PLEKHM2: variants seen among roughly 807,000 people sequenced by gnomAD.
PLEKHM2 encodes the protein pleckstrin homology domain-containing family M member 2.
A neutral mutation model predicts 116.3 loss-of-function variants in PLEKHM2; 77 were observed. That is an observed-to-expected ratio of 0.66 (90% CI 0.55 to 0.80). The LOEUF (loss-of-function observed/expected upper bound fraction) is 0.80. Among genes scored for constraint, PLEKHM2 ranks in the 30% least tolerant of loss-of-function variants. The pLI is 0.00. For missense variants in PLEKHM2, 1,183 were observed against 1,354.9 expected, an observed-to-expected ratio of 0.87 and a Z score of 1.99; for synonymous variants, 562 against 571.0, an observed-to-expected ratio of 0.98 and a Z score of 0.22.
chr1:15,713,797 G>A lies in PLEKHM2; in HGVS notation c.61-2440G>A, dbSNP rs539978037. Among the ~76,000 whole-genome samples the A allele has an allele frequency of 4.0e-5, 6 of 151,696 alleles. No homozygotes were observed. In the South Asian group the frequency reaches 6.2e-4, roughly 16 times the overall value. ...ACTACAGGCGCCTGCCACTACGCCC[G>A]GCTAATTTTTTGCATTTTGCTTAGT... is the stretch of plus-strand genomic sequence containing the variant. On this transcript the variant is annotated intron_variant, in intron 1 of 19. Transcript: ENST00000375799.
intron 1 of PLEKHM2, among the ~76,000 whole-genome samples, chr1:15,704,432 G>A (rs1490963227): frequency 2.6e-5 from 4 of 151,724 alleles, no homozygotes; most frequent in South Asian, 4.2e-4. Context: ...TATCATCACC[G>A]GACAGTCTAT....
At chr1:15,696,165 AG>A (rs979526450) in intron 1 of PLEKHM2, among the ~76,000 whole-genome samples, 13 of 151,942 alleles carry the variant, frequency 8.6e-5, no homozygotes, top group Admixed American at 5.9e-4. Flanking sequence ...AAACTGCCAG[AG>A]GTTATTAAGC....
At chr1:15,706,036 G>A (rs28558247) in intron 1 of PLEKHM2, among the ~76,000 whole-genome samples, 3,137 of 152,188 alleles carry the variant, frequency 0.021, 123 homozygotes, top group African/African-American at 0.07. Context: ...AGCCAAGATC[G>A]CGCCATTGCA....
At chr1:15,695,716 T>G (rs963229708) in intron 1 of PLEKHM2, among the ~76,000 whole-genome samples, 1 of 152,052 alleles carries the variant, frequency 6.6e-6, no homozygotes, top group Non-Finnish European at 1.5e-5. Flanking sequence ...TTCACCATGT[T>G]GGCCAGGCTG....
At chr1:15,716,875 T>C in intron 3 of PLEKHM2, 59 bp downstream of exon 3, 2 of 1,543,310 alleles carry the variant, frequency 1.3e-6, no homozygotes, top group Non-Finnish European at 1.7e-6. Flanking sequence ...GTGGGTAGCT[T>C]GGGGCTCTGT....
rs760770081 is a variant in PLEKHM2, at chr1:15,730,516, C to T, written c.2209-16C>T. ...GGCCTTACTTGCTTTGTCCCCCGTG[C>T]CCGCCCCCGCATCAGGCATCTGCTG... On this transcript the variant is annotated splice_polypyrimidine_tract_variant and intron_variant, in intron 14 of 19. Transcript: ENST00000375799. The T allele has an allele frequency of 2.0e-5, 30 of 1,534,390 alleles. No homozygotes were observed. Among genetic ancestry groups the T allele is most frequent in the Non-Finnish European group, 2.5e-5 (29 of 1,138,660 alleles).
Position 15,732,706 on chromosome 1 carries a change from C to G in PLEKHM2, c.2900C>G (p.Ser967Cys). The change falls in exon 19 of 20, where the codon TCT (serine) becomes TGT (cysteine). Residue 967 changes from serine (S) to cysteine (C), a missense_variant. Physicochemically the swap from Ser to Cys is moderately radical, Grantham distance 112. Around this residue, in one of 3 missense-constraint regions of PLEKHM2, gnomAD observed 594 missense variants for 720.1 expected, o/e 0.82. Coordinates refer to ENST00000375799, the MANE Select transcript of PLEKHM2 (RefSeq NM_015164.4). ...GACCGATTGCTGTCTGCACTGAACT[C>G]TGGGTGGAAAACCATCTATCAGGTA... ...ELDRLLSALN[S>C]GWKTIYQVDL... 1 of 1,609,150 alleles carries G rather than the reference C, an allele frequency of 6.2e-7. No individual in the cohort carries two copies. The highest frequency in any genetic ancestry group is 2.2e-5 in the East Asian group (1 of 44,802).
In PLEKHM2 at chr1:15,716,309, C is replaced by T. The variant is rs756324460; in HGVS notation, c.133C>T (p.Leu45=). 5.0e-6 allele frequency: 8 copies of T among 1,606,298 alleles called. No homozygotes were observed. Among genetic ancestry groups the T allele is most frequent in the Non-Finnish European group, 6.8e-6 (8 of 1,176,330 alleles). ...IRNHDKVLQR[L]CEHLDHALLY... ...GAACCATGACAAGGTCCTACAGCGT[C>T]TGTGTGAGCACCTGGACCACGCCCT... Residue 45 remains leucine (L), a synonymous_variant, in exon 2 of 20, where the codon CTG becomes TTG. Transcript: ENST00000375799.
rs199966582 is a variant in PLEKHM2 at position 15,702,891 on chromosome 1, TAA to T, written c.61-13334_61-13333del. 4.8e-5 allele frequency among the ~76,000 whole-genome samples: 7 copies of T among 144,430 alleles called. No individual in the cohort carries two copies. The East Asian group carries it at 6.0e-4, about 12-fold the overall frequency. The allele number at this position is 144,430 out of a possible 152,430, so 94.8% of individuals were successfully genotyped here. A position where few individuals can be genotyped will look rare whatever the true frequency, so the allele number is the denominator to read the frequency against. The stretch of plus-strand genomic sequence containing the variant: ...ATGCACCACCACGCCCAGCTAACTT[TAA>T]AAAAAAAAAAAGTTGCTAGAAACAG... On this transcript the variant is annotated intron_variant, in intron 1 of 19. Transcript: ENST00000375799.
intron 1 of PLEKHM2, among the ~76,000 whole-genome samples, chr1:15,710,031 T>C (rs1426829740): frequency 6.6e-6 from 1 of 151,952 alleles, no homozygotes; most frequent in Non-Finnish European, 1.5e-5. Flanking sequence ...GAGACCATCC[T>C]GGCTAACGTG....
intron 19 of PLEKHM2, 87 bp from the exon 20 acceptor site, chr1:15,733,710 G>A: frequency 2.7e-6 from 4 of 1,456,478 alleles, no homozygotes; most frequent in Non-Finnish European, 3.7e-6. Flanking sequence ...CCGTGGCCAA[G>A]GCAGAGGCAG....
intron 3 of PLEKHM2, among the ~76,000 whole-genome samples, chr1:15,717,395 C>G (rs967318423): frequency 6.6e-6 from 1 of 152,182 alleles, no homozygotes; most frequent in Non-Finnish European, 1.5e-5. Flanking sequence ...GCCTGGGTGA[C>G]AGAGTCTCTG....
chr1:15,719,279 G>A lies in PLEKHM2; in HGVS notation c.466-455G>A, dbSNP rs144465444. Among the ~76,000 whole-genome samples, 150 of 152,186 alleles carry A rather than the reference G, an allele frequency of 9.9e-4. 2 individuals are homozygous for A. In the East Asian group the frequency reaches 0.023, roughly 23 times the overall value. ...AGCCTGGCCAACATGGCGAAACCTC[G>A]TCTCTACTAAAAAAATACAAAAGTT... is the stretch of plus-strand genomic sequence containing the variant. On this transcript the variant is annotated intron_variant, in intron 5 of 19. Transcript: ENST00000375799. This position sits in a 1 kb window ranked among gnomAD's most constrained non-coding sequence, Gnocchi z 4.1.
At chr1:15,714,604 A>C (rs1557652158) in intron 1 of PLEKHM2, among the ~76,000 whole-genome samples, 1 of 152,182 alleles carries the variant, frequency 6.6e-6, no homozygotes, top group Non-Finnish European at 1.5e-5. Context: ...GCTGCAGAGA[A>C]GAGAGGCTAT....
intron 1 of PLEKHM2, among the ~76,000 whole-genome samples, chr1:15,703,267 A>T (rs1418828065): frequency 6.6e-6 from 1 of 152,110 alleles, no homozygotes; most frequent in Non-Finnish European, 1.5e-5. Context: ...CTGAGCAGGG[A>T]TGGGGCAGGC....
intron 3 of PLEKHM2, among the ~76,000 whole-genome samples, chr1:15,717,414 A>C (rs1263862696): frequency 2.0e-5 from 3 of 152,198 alleles, no homozygotes; most frequent in Non-Finnish European, 4.4e-5. Flanking sequence ...TGTCTCAAAA[A>C]ATAAAATAAT....
intron 1 of PLEKHM2, among the ~76,000 whole-genome samples, chr1:15,707,538 C>T (rs1404806046): frequency 6.6e-6 from 1 of 152,192 alleles, no homozygotes; most frequent in East Asian, 1.9e-4. Flanking sequence ...GAGGTGGTCC[C>T]CTAGCCACCC....
rs192525259 is a variant in PLEKHM2 at position 15,701,947 on chromosome 1, G to A, written c.61-14290G>A. 6.6e-5 allele frequency among the ~76,000 whole-genome samples: 10 copies of A among 152,346 alleles called. No individual in the cohort carries two copies. The East Asian group carries it at 9.6e-4, about 15-fold the overall frequency. ...AAGCTGCAGCAAACTGCTGATGCAAGCTCGGGGGGGTAGTCGTTATGGTGG... is the reference window on the plus strand; with the variant it reads ...AAGCTGCAGCAAACTGCTGATGCAAACTCGGGGGGGTAGTCGTTATGGTGG... On this transcript the variant is annotated intron_variant, in intron 1 of 19. Transcript: ENST00000375799.
In PLEKHM2 at chr1:15,730,558, C is replaced by T. The variant is rs748350290; in HGVS notation, c.2235C>T (p.Tyr745=). The T allele has an allele frequency of 3.8e-5, 61 of 1,597,926 alleles. No homozygotes were observed. The highest frequency in any genetic ancestry group is 2.2e-4 in the South Asian group (19 of 88,186). ...CEASAVTVRF[Y]GLVHWEDPTD... Reference sequence around the variant, plus strand: ...CATCTGCTGTCACCGTGCGCTTCTACGGCCTTGTGCACTGGGAGGACCCCA... The same window carrying T: ...CATCTGCTGTCACCGTGCGCTTCTATGGCCTTGTGCACTGGGAGGACCCCA... Residue 745 remains tyrosine (Y), a synonymous_variant, in exon 15 of 20, where the codon TAC becomes TAT. Transcript: ENST00000375799.
Sources: gnomAD v4.1 joint callset for allele counts (sites outside exome capture counted in the v4.1 genomes callset) on GRCh38, gnomAD v4.1.1 for gene constraint, gnomAD v4.1.1 regional missense constraint, Gnocchi (gnomAD v3.1) non-coding constraint, MANE v1.5 for transcripts, NCBI Gene and HGNC (gene_info 2026-07-23, HGNC 2026-07-21) for gene names.